The following SEPTIN9 variants were observed in gnomAD, a reference collection of about 807,000 sequenced individuals.
SEPTIN9 encodes septin 9.
A neutral mutation model predicts 56.6 loss-of-function variants in SEPTIN9; 13 were observed. The observed-to-expected ratio is 0.23, with a 90% confidence interval of 0.15 to 0.37. SEPTIN9 has a LOEUF of 0.37. SEPTIN9 is among the 10% of genes least tolerant of loss of function. The pLI is 1.00. For missense variants in SEPTIN9, 650 were observed against 823.1 expected (o/e 0.79, Z 2.57); for synonymous variants, 332 against 334.1 (o/e 0.99, Z 0.07).
intron 2 of SEPTIN9, among the ~76,000 whole-genome samples, chr17:77,392,504 C>A (rs111507045): frequency 5.3e-5 from 8 of 152,194 alleles, no homozygotes; most frequent in African/African-American, 1.9e-4. Context: ...AGTCATTGGG[C>A]CACGTGTGCA....
chr17:77,433,771 C>T lies in SEPTIN9; in HGVS notation c.721+31068C>T, dbSNP rs1268316465. ...TTCCCTGTGAGTTAGATGGGGAGTG[C>T]ACCCCTGCCCTCCCCTCCTGGGTAT... On this transcript the variant is annotated intron_variant, in intron 3 of 11. Transcript: ENST00000427177. This position sits in a 1 kb window ranked among gnomAD's most constrained non-coding sequence, Gnocchi z 6.4. Among the ~76,000 whole-genome samples the T allele has an allele frequency of 6.6e-6, 1 of 152,086 alleles. No individual in the cohort carries two copies. Among genetic ancestry groups the T allele is most frequent in the Non-Finnish European group, 1.5e-5 (1 of 67,992 alleles).
intron 10 of SEPTIN9, among the ~76,000 whole-genome samples, chr17:77,494,021 CCTTG>C (rs57413553): frequency 0.5 from 75,362 of 151,594 alleles, 19,217 homozygotes; most frequent in Middle Eastern, 0.66. Context: ...GATCTGCCCA[CCTTG>C]CTTGGCCTCC....
intron 2 of SEPTIN9, among the ~76,000 whole-genome samples, chr17:77,388,810 C>CTTTTTTTTTTTTTTTTTTTTTTTT (rs5822196): frequency 2.6e-5 from 2 of 78,052 alleles, no homozygotes; most frequent in East Asian, 5.9e-4. Flanking sequence ...GTGTTAGGCG[C>CTTTTTTTTTTTTTTTTTTTTTTTT]TTTTTTTTTT....
At chr17:77,356,796 T>G (rs375354511) in intron 2 of SEPTIN9, among the ~76,000 whole-genome samples, 108 of 145,472 alleles carry the variant, frequency 7.4e-4, no homozygotes, top group African/African-American at 2.7e-3. Context: ...GCACCCTGTC[T>G]GGTGGGCTCT....
At position 77,405,281 on chromosome 17, in the gene SEPTIN9, G is replaced by A. The variant is rs545070721; in HGVS notation, c.721+2578G>A. The A allele has an allele frequency of 4.2e-5, 29 of 684,988 alleles. No homozygotes were observed. Among genetic ancestry groups the A allele is most frequent in the South Asian group, 2.8e-4 (15 of 53,976 alleles). 42.4% of individuals were successfully genotyped at this position (684,988 alleles called of 1,614,324 possible). Reference sequence around the variant, plus strand: ...CGGGCTCTGCTTTCTGGAGCTCACCGAGCCGTGAGCAGGATGGCTGGGACA... The same window carrying A: ...CGGGCTCTGCTTTCTGGAGCTCACCAAGCCGTGAGCAGGATGGCTGGGACA... On this transcript the variant is annotated intron_variant, in intron 3 of 11. Transcript: ENST00000427177. This position sits in a 1 kb window ranked among gnomAD's most constrained non-coding sequence, Gnocchi z 5.8.
chr17:77,361,015 C>CT (rs1237155408), intron 2 of SEPTIN9, among the ~76,000 whole-genome samples: 4 of 149,182 alleles, frequency 2.7e-5, no homozygotes, highest in African/African-American at 9.9e-5. Flanking sequence ...CCTCTGCCTC[C>CT]TGGGATCAAG....
chr17:77,378,122 C>T (rs761016597), intron 2 of SEPTIN9, among the ~76,000 whole-genome samples: 2 of 152,108 alleles, frequency 1.3e-5, no homozygotes, highest in African/African-American at 4.8e-5. Flanking sequence ...GCTGGATGTC[C>T]GGGAAGAGGC....
chr17:77,463,417 A>G (rs1006373620), intron 3 of SEPTIN9, among the ~76,000 whole-genome samples: 4 of 152,126 alleles, frequency 2.6e-5, no homozygotes, highest in Admixed American at 2.0e-4. Context: ...TCACCCCAAG[A>G]TAAATTTGCC....
chr17:77,461,556 A>G (rs1025305263), intron 3 of SEPTIN9, among the ~76,000 whole-genome samples: 1 of 152,242 alleles, frequency 6.6e-6, no homozygotes, highest in African/African-American at 2.4e-5. Context: ...CACAGGGCTC[A>G]CCAGCTTCTT....
intron 2 of SEPTIN9, among the ~76,000 whole-genome samples, chr17:77,358,011 AAGC>A (rs2034307788): frequency 6.6e-6 from 1 of 152,192 alleles, no homozygotes; most frequent in Non-Finnish European, 1.5e-5. Context: ...ACCAGTTACC[AAGC>A]TCCTATTTTA....
At position 77,482,185 on chromosome 17, in the gene SEPTIN9, A is replaced by G; in HGVS notation, c.763A>G (p.Thr255Ala). Residue 255 changes from threonine (T) to alanine (A), a missense_variant, in exon 4 of 12, where the codon ACC (threonine) becomes GCC (alanine). This residue lies in a region of SEPTIN9 where 333 missense variants were observed against 494.0 expected (regional missense o/e 0.67). Coordinates refer to ENST00000427177, the MANE Select transcript of SEPTIN9 (RefSeq NM_001113491.2). Reference sequence around the variant, plus strand: ...CAGCTGCGTTGGCGACATGGCCGACACCCCCAGAGATGCCGGGCTCAAGCA... The same window carrying G: ...CAGCTGCGTTGGCGACATGGCCGACGCCCCCAGAGATGCCGGGCTCAAGCA... The part of the protein sequence containing the change: ...APSCVGDMAD[T>A]PRDAGLKQAP... 1 of 1,606,740 alleles carries G rather than the reference A, an allele frequency of 6.2e-7. No individual in the cohort carries two copies. The highest frequency in any genetic ancestry group is 8.5e-7 in the Non-Finnish European group (1 of 1,177,290).
chr17:77,390,910 G>A (rs1250833249), intron 2 of SEPTIN9, among the ~76,000 whole-genome samples: 1 of 152,194 alleles, frequency 6.6e-6, no homozygotes, highest in African/African-American at 2.4e-5. Context: ...AATGACTACG[G>A]TGGGACAACA....
intron 3 of SEPTIN9, among the ~76,000 whole-genome samples, chr17:77,411,396 TC>T (rs1457556026): frequency 1.5e-5 from 2 of 135,856 alleles, no homozygotes; most frequent in Admixed American, 1.6e-4. Flanking sequence ...TTTTTCTTTT[TC>T]TTTTTTTTTT....
At chr17:77,297,866 T>C (rs537314333) in intron 1 of SEPTIN9, among the ~76,000 whole-genome samples, 1 of 152,320 alleles carries the variant, frequency 6.6e-6, no homozygotes, top group Non-Finnish European at 1.5e-5. Context: ...GACTGATGGC[T>C]GCTTTGGAAT....
chr17:77,430,636 A>T (rs942301104), intron 3 of SEPTIN9, among the ~76,000 whole-genome samples: 3 of 152,174 alleles, frequency 2.0e-5, no homozygotes, highest in African/African-American at 7.2e-5. Context: ...GTGCCGGCTG[A>T]CAGCTCACTG....
chr17:77,339,164 G>C (rs2033649283), intron 2 of SEPTIN9, among the ~76,000 whole-genome samples: 1 of 152,110 alleles, frequency 6.6e-6, no homozygotes, highest in African/African-American at 2.4e-5. Context: ...CCAAACTCCT[G>C]TTAATGTTGA....
intron 11 of SEPTIN9, 118 bp from the exon 12 acceptor site, chr17:77,498,405 G>A (rs1051504983): frequency 2.9e-6 from 2 of 686,568 alleles, no homozygotes; most frequent in South Asian, 3.4e-5. Context: ...GTCGGGATGG[G>A]GAGTGGGGGT....
intron 10 of SEPTIN9, among the ~76,000 whole-genome samples, chr17:77,495,382 A>T (rs1187123292): frequency 1.3e-5 from 2 of 152,058 alleles, no homozygotes; most frequent in African/African-American, 2.4e-5. Flanking sequence ...AGCTGACCTG[A>T]CACCCGGACT....
Position 77,444,196 on chromosome 17 carries a change from G to C in SEPTIN9, c.722-37948G>C, listed in dbSNP as rs186292413. Among the ~76,000 whole-genome samples, 463 of 152,294 alleles carry C rather than the reference G, an allele frequency of 3.0e-3. 2 individuals carry two copies. Among genetic ancestry groups the C allele is most frequent in the Non-Finnish European group, 4.8e-3 (325 of 68,026 alleles). ...TGAAAATGAGTTGGCCAGATTGCAGGGGTCCTCGAATGCAAGGGAAGAATT... is the reference window on the plus strand; with the variant it reads ...TGAAAATGAGTTGGCCAGATTGCAGCGGTCCTCGAATGCAAGGGAAGAATT... On this transcript the variant is annotated intron_variant, in intron 3 of 11. Transcript: ENST00000427177.
Sources: gnomAD v4.1 joint callset for allele counts (sites outside exome capture counted in the v4.1 genomes callset) on GRCh38, gnomAD v4.1.1 for gene constraint, gnomAD v4.1.1 regional missense constraint, Gnocchi (gnomAD v3.1) non-coding constraint, MANE v1.5 for transcripts, NCBI Gene and HGNC (gene_info 2026-07-23, HGNC 2026-07-21) for gene names.